The following ABCA1 variants were observed in gnomAD, a reference collection of about 807,000 sequenced individuals.
The protein encoded by ABCA1 is ATP binding cassette subfamily A member 1.
ABCA1 carries 133 observed loss-of-function variants against 262.5 expected under a neutral mutation model. The observed-to-expected ratio is 0.51, with a 90% CI of 0.44 to 0.59. The LOEUF (loss-of-function observed/expected upper bound fraction) is 0.59. Among genes scored for constraint, ABCA1 ranks in the 20% least tolerant of loss-of-function variants. The pLI is 0.00. For synonymous variants in ABCA1, 1,022 were observed against 1,043.5 expected (o/e 0.98, Z 0.40); for missense variants, 2,452 against 2,777.5 (o/e 0.88, Z 2.63).
At chr9:104,844,253 C>T (rs946253210) in intron 8 of ABCA1, among the ~76,000 whole-genome samples, 2 of 151,396 alleles carry the variant, frequency 1.3e-5, no homozygotes, top group Non-Finnish European at 2.9e-5. Context: ...AACAGTTTCT[C>T]TTTCTCATTC....
intron 8 of ABCA1, among the ~76,000 whole-genome samples, chr9:104,840,978 G>C (rs1033687998): frequency 6.6e-6 from 1 of 152,136 alleles, no homozygotes; most frequent in African/African-American, 2.4e-5. Context: ...AGCCTATCAG[G>C]AACTGCTCTC....
At chr9:104,810,169 CTT>C (rs930311534) in intron 29 of ABCA1, among the ~76,000 whole-genome samples, 6 of 116,938 alleles carry the variant, frequency 5.1e-5, no homozygotes, top group Non-Finnish European at 1.0e-4. Flanking sequence ...TATATATATA[CTT>C]TTTTTTTTTT....
chr9:104,923,776 A>ATGCC (rs1323959943), intron 1 of ABCA1, among the ~76,000 whole-genome samples: 20 of 152,350 alleles, frequency 1.3e-4, no homozygotes, highest in South Asian at 4.1e-4. Context: ...ACAGTGGCTT[A>ATGCC]TGCCTGTAAT....
Position 104,796,024 on chromosome 9 carries a change from A to G in ABCA1, c.5382+29T>C, listed in dbSNP as rs985998971. 6.2e-6 allele frequency: 10 copies of G among 1,611,920 alleles called. No homozygotes were observed. The Admixed American group carries it at 1.2e-4, about 19-fold the overall frequency. Reference sequence around the variant, plus strand: ...TCTGGCTCCCAGAGATGCTCATCCCAGCAGGAGTGTTCTCTCTGCATGACT... The same window carrying G: ...TCTGGCTCCCAGAGATGCTCATCCCGGCAGGAGTGTTCTCTCTGCATGACT... On this transcript the variant is annotated intron_variant, in intron 39 of 49. Transcript: ENST00000374736.
At chr9:104,836,557 G>A (rs977156311) in intron 11 of ABCA1, among the ~76,000 whole-genome samples, 3 of 152,142 alleles carry the variant, frequency 2.0e-5, no homozygotes, top group African/African-American at 7.2e-5. Context: ...TTCACACAGT[G>A]CCCTGAGAAT....
In ABCA1 at chr9:104,790,944, C is replaced by G. The variant is rs1435223680; in HGVS notation, c.5905G>C (p.Asp1969His). 1.9e-6 allele frequency: 3 copies of G among 1,613,206 alleles called. No individual in the cohort carries two copies. Among genetic ancestry groups the G allele is most frequent in the African/African-American group, 1.3e-5 (1 of 74,920 alleles). The part of the protein sequence containing the change: ...LTGDTTVTRG[D>H]AFLNKNSILS... ...CACCTATTTTTGTTAAGGAAAGCAT[C>G]TCCTCTGGTAACAGTGGTATCTCCT... Residue 1969 changes from aspartate (D) to histidine (H), a missense_variant, in exon 44 of 50, where the codon GAT becomes CAT. By Grantham distance (81) the Asp-to-His change is moderately conservative (BLOSUM62 -1). Around this residue, in one of 4 missense-constraint regions of ABCA1, gnomAD observed 752 missense variants for 944.5 expected, o/e 0.80. Coordinates refer to ENST00000374736, the MANE Select transcript of ABCA1 (RefSeq NM_005502.4).
At chr9:104,926,470 C>CAAAAAAAAAAAAAAAAAAAAAAA (rs781060719) in intron 1 of ABCA1, among the ~76,000 whole-genome samples, 1 of 118,778 alleles carries the variant, frequency 8.4e-6, no homozygotes. Flanking sequence ...ACCAAAAAAA[C>CAAAAAAAAAAAAAAAAAAAAAAA]AAAAAAAAAA....
intron 1 of ABCA1, among the ~76,000 whole-genome samples, chr9:104,915,817 C>T (rs567868703): frequency 3.9e-4 from 60 of 152,238 alleles, no homozygotes; most frequent in Non-Finnish European, 6.8e-4. Context: ...CAAGCAACAA[C>T]GCGCTAAGTG....
intron 1 of ABCA1, among the ~76,000 whole-genome samples, chr9:104,920,476 G>A (rs1021000391): frequency 6.6e-6 from 1 of 152,114 alleles, no homozygotes; most frequent in African/African-American, 2.4e-5. Context: ...AGTAACATGG[G>A]ATAAAGACAA....
chr9:104,928,007 A>T lies in ABCA1; in HGVS notation c.-165T>A, dbSNP rs1408196930. On this transcript the variant is annotated 5_prime_UTR_variant, in exon 1 of 50. Coordinates refer to ENST00000374736, the MANE Select transcript of ABCA1 (RefSeq NM_005502.4). ...AGCCTTCCGGAGAAGGGGAGAAAAC[A>T]GAACCGGGGAAAAAACAAGGAGCAA... 6.6e-6 allele frequency: 1 copy of T among 152,234 alleles called. No individual in the cohort carries two copies. Among genetic ancestry groups the T allele is most frequent in the Non-Finnish European group, 1.5e-5 (1 of 68,062 alleles). 9.4% of individuals were successfully genotyped at this position (152,234 alleles called of 1,614,324 possible).
At chr9:104,913,270 T>C (rs1387126385) in intron 1 of ABCA1, among the ~76,000 whole-genome samples, 4 of 152,190 alleles carry the variant, frequency 2.6e-5, no homozygotes, top group Non-Finnish European at 5.9e-5. Context: ...CTTGAGTTAA[T>C]TGTTTCAGCA....
rs114067526 is a variant in ABCA1 at position 104,878,529 on chromosome 9, A to G, written c.421+4510T>C. Among the ~76,000 whole-genome samples the G allele has an allele frequency of 7.3e-3, 1,109 of 152,222 alleles. 7 individuals are homozygous for G. The highest frequency in any genetic ancestry group is 0.025 in the African/African-American group (1,022 of 41,524). ...GGTTTAGCCGTGATTTATTCCCAGA[A>G]TATCCCTTCTGTGGTTGTGTAGACT... On this transcript the variant is annotated intron_variant, in intron 5 of 49. Transcript: ENST00000374736.
chr9:104,839,520 C>T (rs6479283), intron 9 of ABCA1, among the ~76,000 whole-genome samples: 37,392 of 142,546 alleles, frequency 0.26, 5,656 homozygotes, highest in East Asian at 0.53. Flanking sequence ...AATGTTAGTT[C>T]TTTGTTGTTG....
intron 5 of ABCA1, among the ~76,000 whole-genome samples, chr9:104,882,216 T>C (rs2119170359): frequency 6.6e-6 from 1 of 152,242 alleles, no homozygotes; most frequent in East Asian, 1.9e-4. Flanking sequence ...GTGGCAGCCA[T>C]TGGTCCATGA....
Position 104,889,139 on chromosome 9 carries a change from A to C in ABCA1, c.123T>G (p.Ser41=), listed in dbSNP as rs1839477822. The C allele has an allele frequency of 1.2e-6, 2 of 1,614,082 alleles. No homozygotes were observed. The highest frequency in any genetic ancestry group is 8.5e-7 in the Non-Finnish European group (1 of 1,180,024). The stretch of plus-strand genomic sequence containing the variant: ...CATAGGGTGGGTAGCTCAGCCGAAC[A>C]GAGATCAGGATCAGGAAGATAAATA... ...WPLFIFLILI[S]VRLSYPPYEQ... The change falls in exon 3 of 50, where the codon TCT becomes TCG. Residue 41 remains serine, a synonymous_variant. Coordinates refer to ENST00000374736, the MANE Select transcript of ABCA1 (RefSeq NM_005502.4).
At chr9:104,800,116 A>G (rs961057582) in intron 35 of ABCA1, 128 bp from the exon 36 acceptor site, 6 of 1,005,424 alleles carry the variant, frequency 6.0e-6, no homozygotes, top group Non-Finnish European at 9.3e-6. Context: ...GCAAAACACT[A>G]TGATCAGAGA....
rs561318341 is a variant in ABCA1, at chr9:104,826,377, T to C, written c.2338-490A>G. On this transcript the variant is annotated intron_variant, in intron 16 of 49. Transcript: ENST00000374736. ...CCTGGGGACATCTGACAACTTGCAC[T>C]TGTAGGGGCTCACACACTCTCCAAG... Among the ~76,000 whole-genome samples, 105 of 152,146 alleles carry C rather than the reference T, an allele frequency of 6.9e-4. 1 individual carries two copies. Among genetic ancestry groups the C allele is most frequent in the Admixed American group, 6.7e-3 (103 of 15,284 alleles).
intron 28 of ABCA1, 25 bp downstream of exon 28, chr9:104,812,549 C>A: frequency 6.2e-7 from 1 of 1,614,060 alleles, no homozygotes; most frequent in Non-Finnish European, 8.5e-7. Context: ...AAGCCAGAGT[C>A]TCTGGCGAAA....
chr9:104,821,673 G>T (rs73519850), intron 19 of ABCA1, among the ~76,000 whole-genome samples, 167 bp from the exon 20 acceptor site: 1 of 152,140 alleles, frequency 6.6e-6, no homozygotes, highest in East Asian at 1.9e-4. Context: ...CTTTTGCTTC[G>T]GTAAATAACT....
Sources: allele counts gnomAD v4.1 joint callset (sites outside exome capture counted in the v4.1 genomes callset), GRCh38; gene constraint gnomAD v4.1.1; regional missense constraint gnomAD v4.1.1; transcripts MANE v1.5; gene names NCBI Gene and HGNC (gene_info 2026-07-23, HGNC 2026-07-21).